SH3GL1: variants seen among roughly 807,000 people sequenced by gnomAD.
SH3GL1 encodes the protein endophilin-A2.
In SH3GL1, 21 loss-of-function variants were observed where a neutral mutation model predicts 48.8. The ratio of observed to expected loss-of-function variants is 0.43; its 90% CI spans 0.30 to 0.62. The LOEUF (loss-of-function observed/expected upper bound fraction) is 0.62, where lower values mean the gene tolerates loss of function less well. Ranked by LOEUF, SH3GL1 falls within the 20% of genes least tolerant of loss-of-function variation. The probability of loss-of-function intolerance (pLI) is 0.11; values close to 1 mark genes in which losing one functional copy is unlikely to be tolerated. For missense variants in SH3GL1, 454 were observed against 503.0 expected (o/e 0.90, Z 0.93); for synonymous variants, 282 against 217.5 (o/e 1.30, Z -2.61).
chr19:4,371,273 A>T (rs1972894798), intron 1 of SH3GL1, among the ~76,000 whole-genome samples: 1 of 152,250 alleles, frequency 6.6e-6, no homozygotes, highest in South Asian at 2.1e-4. Flanking sequence ...GTGGACTGAG[A>T]GTCAGGACAG....
At position 4,361,755 on chromosome 19, in the gene SH3GL1, C is replaced by T. The variant is rs138715687; in HGVS notation, c.952G>A (p.Glu318Lys). Residue 318 changes from glutamate to lysine, a missense_variant, in exon 10 of 10, where the codon GAG (glutamate) becomes AAG (lysine). Around this residue, in one of 2 missense-constraint regions of SH3GL1, gnomAD observed 278 missense variants for 246.8 expected, o/e 1.13. Transcript: ENST00000269886. ...CCCAGCTCCCCGTCGTTCTCGGGCT[C>T]GAAGTCGTACAGCGCCTTGCAGCTC... is the stretch of plus-strand genomic sequence containing the variant. ...QPSCKALYDF[E>K]PENDGELGFH... The T allele has an allele frequency of 8.1e-6, 13 of 1,612,080 alleles. No homozygotes were observed. The highest frequency in any genetic ancestry group is 2.2e-5 in the East Asian group (1 of 44,872).
intron 1 of SH3GL1, among the ~76,000 whole-genome samples, chr19:4,386,938 C>CTT (rs1973246891): frequency 6.6e-6 from 1 of 152,116 alleles, no homozygotes; most frequent in South Asian, 2.1e-4. Flanking sequence ...TTCTGTATTT[C>CTT]TTTTTCTTTT....
chr19:4,379,093 G>A (rs941386927), intron 1 of SH3GL1, among the ~76,000 whole-genome samples: 2 of 152,220 alleles, frequency 1.3e-5, no homozygotes, highest in Admixed American at 6.5e-5. Context: ...CTCACAGCAC[G>A]GGACATATTT....
intron 1 of SH3GL1, among the ~76,000 whole-genome samples, chr19:4,382,155 C>T (rs543637463): frequency 4.6e-5 from 7 of 152,138 alleles, no homozygotes; most frequent in African/African-American, 1.4e-4. Context: ...CCTCCATTGT[C>T]AGAGCTAGCA....
chr19:4,370,120 G>C (rs1412102397), intron 1 of SH3GL1, among the ~76,000 whole-genome samples: 1 of 152,228 alleles, frequency 6.6e-6, no homozygotes, highest in East Asian at 1.9e-4. Flanking sequence ...GCGCCTCTGG[G>C]CTCGCTGTCA....
chr19:4,384,902 G>A (rs904264497), intron 1 of SH3GL1, among the ~76,000 whole-genome samples: 1 of 152,150 alleles, frequency 6.6e-6, no homozygotes, highest in African/African-American at 2.4e-5. Flanking sequence ...TCAGGAGTTC[G>A]AGACTAGCCT....
In SH3GL1 at chr19:4,363,763, T is replaced by C. The variant is rs1972692893; in HGVS notation, c.581A>G (p.Lys194Arg). 6.2e-7 allele frequency: 1 copy of C among 1,613,860 alleles called. No individual in the cohort carries two copies. Among genetic ancestry groups the C allele is most frequent in the South Asian group, 1.1e-5 (1 of 91,064 alleles). Residue 194 changes from lysine (K) to arginine (R), a missense_variant, in exon 6 of 10, where the codon AAG becomes AGG. Transcript: ENST00000269886. ...GTGCATGCTGGTTTCTGCCACCTCC[T>C]TGGACTCCTCGAACTTCTCCAGCGC... is the stretch of plus-strand genomic sequence containing the variant. ...RQALEKFEESKEVAETSMHNL... is the reference protein window; with the variant it reads ...RQALEKFEESREVAETSMHNL...
At chr19:4,378,018 G>A (rs1489135155) in intron 1 of SH3GL1, among the ~76,000 whole-genome samples, 4 of 152,072 alleles carry the variant, frequency 2.6e-5, no homozygotes, top group Admixed American at 6.5e-5. Flanking sequence ...GGCTCTCGTC[G>A]CCAACCCACC....
At chr19:4,396,689 A>C (rs2144931310) in intron 1 of SH3GL1, among the ~76,000 whole-genome samples, 1 of 152,138 alleles carries the variant, frequency 6.6e-6, no homozygotes, top group East Asian at 1.9e-4. Context: ...AGGGTTTCTC[A>C]AATTTTGGTA....
chr19:4,365,751 A>C, intron 3 of SH3GL1, 126 bp from the exon 4 acceptor site: 2 of 1,342,454 alleles, frequency 1.5e-6, no homozygotes, highest in Admixed American at 3.5e-5. Flanking sequence ...AGGCCACACA[A>C]AGCACAGTGG....
At chr19:4,387,276 G>C (rs1204110837) in intron 1 of SH3GL1, among the ~76,000 whole-genome samples, 1 of 151,556 alleles carries the variant, frequency 6.6e-6, no homozygotes, top group Non-Finnish European at 1.5e-5. Flanking sequence ...GGAACTTCCA[G>C]GTGGGCACTA....
At chr19:4,397,372 C>T (rs568903300) in intron 1 of SH3GL1, among the ~76,000 whole-genome samples, 31 of 152,322 alleles carry the variant, frequency 2.0e-4, no homozygotes, top group Non-Finnish European at 3.4e-4. Flanking sequence ...GGCTTCAAGG[C>T]GCCATTCACA....
Position 4,400,241 on chromosome 19 carries a change from C to T in SH3GL1, c.45+83G>A. 4 of 1,462,832 alleles carry T rather than the reference C, an allele frequency of 2.7e-6. No homozygotes were observed. The highest frequency in any genetic ancestry group is 3.7e-6 in the Non-Finnish European group (4 of 1,082,358). 90.6% of individuals were successfully genotyped at this position (1,462,832 alleles called of 1,614,324 possible). On this transcript the variant is annotated intron_variant, in intron 1 of 9. Coordinates refer to ENST00000269886, the MANE Select transcript of SH3GL1 (RefSeq NM_003025.4). This position sits in a 1 kb window ranked among gnomAD's most constrained non-coding sequence, Gnocchi z 4.1. ...GTCCCCACCTCGGTCCCCCCGGCCCCCTCCCGGGCCAGGTCGGGCCTGGCT... is the reference window on the plus strand; with the variant it reads ...GTCCCCACCTCGGTCCCCCCGGCCCTCTCCCGGGCCAGGTCGGGCCTGGCT...
rs1422374043 is a variant in SH3GL1, at chr19:4,367,190, G to A, written c.46-196C>T. ...GCCTGCAGAGCAGGGTGGGCCTGCA[G>A]GGGGAGGGGGAGGGTGGGGGTGGCC... On this transcript the variant is annotated intron_variant, in intron 1 of 9. Coordinates refer to ENST00000269886, the MANE Select transcript of SH3GL1 (RefSeq NM_003025.4). This position sits in a 1 kb window ranked among gnomAD's most constrained non-coding sequence, Gnocchi z 4.2. Among the ~76,000 whole-genome samples the A allele has an allele frequency of 6.6e-6, 1 of 152,130 alleles. No individual in the cohort carries two copies. Among genetic ancestry groups the A allele is most frequent in the Non-Finnish European group, 1.5e-5 (1 of 68,018 alleles).
At chr19:4,361,889 G>T in intron 9 of SH3GL1, 93 bp from the exon 10 acceptor site, 2 of 920,526 alleles carry the variant, frequency 2.2e-6, no homozygotes, top group South Asian at 1.5e-5. Flanking sequence ...GAGCGTGTGG[G>T]TGGGCATGGG....
intron 1 of SH3GL1, among the ~76,000 whole-genome samples, chr19:4,371,348 G>T (rs989354411): frequency 1.3e-5 from 2 of 152,248 alleles, no homozygotes; most frequent in African/African-American, 4.8e-5. Context: ...CCCTGTGCCC[G>T]GCAGGCACAG....
Position 4,367,292 on chromosome 19 carries a change from C to T in SH3GL1, c.46-298G>A, listed in dbSNP as rs1028533575. Among the ~76,000 whole-genome samples the T allele has an allele frequency of 2.0e-5, 3 of 152,302 alleles. No homozygotes were observed. The highest frequency in any genetic ancestry group is 4.1e-4 in the South Asian group (2 of 4,828). Reference sequence around the variant, plus strand: ...GCCACAGTAGGCCCCATCTGGGCCACGGTGGAGTCCAGAGCCTCAGCCTGA... The same window carrying T: ...GCCACAGTAGGCCCCATCTGGGCCATGGTGGAGTCCAGAGCCTCAGCCTGA... On this transcript the variant is annotated intron_variant, in intron 1 of 9. Coordinates refer to ENST00000269886, the MANE Select transcript of SH3GL1 (RefSeq NM_003025.4). The surrounding 1 kb of genome is among the most constrained non-coding windows in gnomAD (Gnocchi z 4.2).
chr19:4,400,305 C>G lies in SH3GL1; in HGVS notation c.45+19G>C. On this transcript the variant is annotated intron_variant, in intron 1 of 9. Transcript: ENST00000269886. The surrounding 1 kb of genome is among the most constrained non-coding windows in gnomAD (Gnocchi z 4.1). ...AGCCCGGGGCCCGGTACTCGGCTCC[C>G]GCCTGGGCCTGCGCTCACCTGGCTC... The G allele has an allele frequency of 6.3e-7, 1 of 1,595,710 alleles. No individual in the cohort carries two copies. Among genetic ancestry groups the G allele is most frequent in the Non-Finnish European group, 8.5e-7 (1 of 1,174,388 alleles).
chr19:4,399,661 A>C (rs1973486888), intron 1 of SH3GL1, among the ~76,000 whole-genome samples: 1 of 152,188 alleles, frequency 6.6e-6, no homozygotes, highest in African/African-American at 2.4e-5. Context: ...AGATGTCAAC[A>C]GTGCCGACGG....
Sources: gnomAD v4.1 joint callset for allele counts (sites outside exome capture counted in the v4.1 genomes callset) on GRCh38, gnomAD v4.1.1 for gene constraint, gnomAD v4.1.1 regional missense constraint, Gnocchi (gnomAD v3.1) non-coding constraint, MANE v1.5 for transcripts, NCBI Gene and HGNC (gene_info 2026-07-23, HGNC 2026-07-21) for gene names.